Variants in ANKS1B observed in about 807,000 individuals in gnomAD.
ANKS1B encodes the protein ankyrin repeat and sterile alpha motif domain-containing protein 1B.
ANKS1B carries 36 observed loss-of-function variants against 148.3 expected under a neutral mutation model. That is an observed-to-expected ratio of 0.24 (90% CI 0.19 to 0.32). The LOEUF (loss-of-function observed/expected upper bound fraction) is 0.32. Among genes scored for constraint, ANKS1B ranks in the 10% least tolerant of loss-of-function variants. ANKS1B has a pLI of 1.00. For missense variants in ANKS1B, 1,157 were observed against 1,542.6 expected (o/e 0.75, Z 4.19); for synonymous variants, 542 against 560.8 (o/e 0.97, Z 0.47).
At chr12:99,185,422 G>A (rs2079689067) in intron 14 of ANKS1B, among the ~76,000 whole-genome samples, 1 of 152,186 alleles carries the variant, frequency 6.6e-6, no homozygotes, top group African/African-American at 2.4e-5. Context: ...GTTCTACTGG[G>A]AACCAAAGAA....
At chr12:99,762,218 A>C (rs1019301486) in intron 8 of ANKS1B, among the ~76,000 whole-genome samples, 2 of 152,168 alleles carry the variant, frequency 1.3e-5, no homozygotes, top group African/African-American at 4.8e-5. Context: ...ACATGGAATC[A>C]AAAACAAGCT....
At chr12:99,899,093 C>T (rs181563871) in intron 1 of ANKS1B, among the ~76,000 whole-genome samples, 8 of 152,230 alleles carry the variant, frequency 5.3e-5, no homozygotes, top group Non-Finnish European at 1.0e-4. Context: ...GCAGTGATTA[C>T]GTTAATAACC....
intron 8 of ANKS1B, among the ~76,000 whole-genome samples, chr12:99,747,081 G>C (rs2060665479): frequency 6.6e-6 from 1 of 151,874 alleles, no homozygotes; most frequent in Admixed American, 6.6e-5. Context: ...CAAAGGCTCA[G>C]GTCTGAACCC....
intron 1 of ANKS1B, among the ~76,000 whole-genome samples, chr12:99,841,524 TG>T (rs956882312): frequency 6.6e-6 from 1 of 152,090 alleles, no homozygotes; most frequent in African/African-American, 2.4e-5. Context: ...CTGAAGAGTT[TG>T]GGGCCTTTTT....
chr12:99,155,708 C>T (rs1179869955), intron 14 of ANKS1B, among the ~76,000 whole-genome samples: 1 of 152,102 alleles, frequency 6.6e-6, no homozygotes, highest in African/African-American at 2.4e-5. Context: ...TCAGAAGAAA[C>T]AGACTCTTAA....
intron 15 of ANKS1B, among the ~76,000 whole-genome samples, chr12:99,148,929 C>G (rs957675791): frequency 1.3e-5 from 2 of 151,940 alleles, no homozygotes; most frequent in African/African-American, 4.8e-5. Context: ...ATAAGGCCAC[C>G]CACTCAACTC....
At chr12:99,863,473 T>G (rs1399667815) in intron 1 of ANKS1B, among the ~76,000 whole-genome samples, 1 of 152,142 alleles carries the variant, frequency 6.6e-6, no homozygotes, top group Non-Finnish European at 1.5e-5. Context: ...CCCAGCACTT[T>G]GGGAGGCCAA....
rs11313441 is a variant in ANKS1B, at chr12:98,944,302, C to CA, written c.2778+108854dup. On this transcript the variant is annotated intron_variant, in intron 17 of 26. Transcript: ENST00000683438. ...GTGACAAGAGCGAAACTCCACCTCACAAAAAAAAAAAAAAAAAAAGCCTAG... is the reference window on the plus strand; with the variant it reads ...GTGACAAGAGCGAAACTCCACCTCACAAAAAAAAAAAAAAAAAAAAGCCTAG... Among the ~76,000 whole-genome samples the CA allele has an allele frequency of 1.3e-3, 111 of 88,034 alleles. 2 individuals are homozygous for CA. Among genetic ancestry groups the CA allele is most frequent in the East Asian group, 7.7e-3 (21 of 2,738 alleles). 57.8% of individuals were successfully genotyped at this position (88,034 alleles called of 152,430 possible). A position where few individuals can be genotyped will look rare whatever the true frequency, so the allele number is the denominator to read the frequency against.
chr12:99,211,763 T>A (rs570916010), intron 14 of ANKS1B, among the ~76,000 whole-genome samples: 139 of 152,276 alleles, frequency 9.1e-4, no homozygotes, highest in African/African-American at 3.1e-3. Flanking sequence ...GACTGGCCCA[T>A]TGAAGTGGTA....
At chr12:99,123,119 G>C (rs1460137847) in intron 15 of ANKS1B, among the ~76,000 whole-genome samples, 1 of 151,698 alleles carries the variant, frequency 6.6e-6, no homozygotes, top group Non-Finnish European at 1.5e-5. Context: ...TCTATAGTCT[G>C]GTTTGAGGGG....
chr12:98,996,911 G>A (rs1269338531), intron 17 of ANKS1B, among the ~76,000 whole-genome samples: 1 of 149,348 alleles, frequency 6.7e-6, no homozygotes, highest in Admixed American at 6.7e-5. Flanking sequence ...TTGAGATAGT[G>A]TTGGAATTAC....
chr12:98,749,049 G>A lies in ANKS1B; in HGVS notation c.3747+2306C>T, dbSNP rs537374589. Among the ~76,000 whole-genome samples, 5 of 152,260 alleles carry A rather than the reference G, an allele frequency of 3.3e-5. No individual in the cohort carries two copies. The South Asian group carries it at 1.0e-3, about 32-fold the overall frequency. On this transcript the variant is annotated intron_variant, in intron 26 of 26. Coordinates refer to ENST00000683438, the MANE Select transcript of ANKS1B (RefSeq NM_001352186.2). ...CAGATATTCACTGAACACCTGCTAT[G>A]GGCCTGGTTCCGGTGGTGACAACAC...
At chr12:99,958,284 G>T (rs1214664927) in intron 1 of ANKS1B, among the ~76,000 whole-genome samples, 1 of 152,144 alleles carries the variant, frequency 6.6e-6, no homozygotes, top group Non-Finnish European at 1.5e-5. Flanking sequence ...TGAAAAAATG[G>T]GGCAGTTAGG....
chr12:99,653,990 G>A (rs4545649), intron 9 of ANKS1B, among the ~76,000 whole-genome samples: 4 of 152,150 alleles, frequency 2.6e-5, no homozygotes, highest in Admixed American at 6.5e-5. Context: ...CAGGAACTAC[G>A]CGTTAGACTG....
chr12:98,830,563 G>A (rs1019511257), intron 18 of ANKS1B, among the ~76,000 whole-genome samples: 1 of 152,150 alleles, frequency 6.6e-6, no homozygotes, highest in African/African-American at 2.4e-5. Context: ...CTGTTATCCT[G>A]ACAGTGGCTA....
intron 12 of ANKS1B, among the ~76,000 whole-genome samples, chr12:99,247,487 A>G (rs2074012900): frequency 6.6e-6 from 1 of 152,226 alleles, no homozygotes; most frequent in African/African-American, 2.4e-5. Context: ...AGTATCAGAA[A>G]AAGAGAGACT....
At chr12:99,434,379 T>C (rs2095426605) in intron 11 of ANKS1B, among the ~76,000 whole-genome samples, 1 of 152,142 alleles carries the variant, frequency 6.6e-6, no homozygotes, top group Non-Finnish European at 1.5e-5. Flanking sequence ...CACAATAAAT[T>C]TAACCAGCTT....
At chr12:98,788,217 C>A (rs2098815062) in intron 22 of ANKS1B, among the ~76,000 whole-genome samples, 1 of 141,216 alleles carries the variant, frequency 7.1e-6, no homozygotes, top group Non-Finnish European at 1.5e-5. Context: ...CCAGCCGGAC[C>A]AACATGGTGA....
At chr12:98,786,010 C>CT (rs2098791253) in intron 22 of ANKS1B, among the ~76,000 whole-genome samples, 1 of 152,138 alleles carries the variant, frequency 6.6e-6, no homozygotes, top group Admixed American at 6.6e-5. Flanking sequence ...ATTTACCCCC[C>CT]TTCAGAGCCA....
Sources: allele counts gnomAD v4.1 joint callset (sites outside exome capture counted in the v4.1 genomes callset), GRCh38; gene constraint gnomAD v4.1.1; transcripts MANE v1.5; gene names NCBI Gene and HGNC (gene_info 2026-07-23, HGNC 2026-07-21).